SRRM4: variants seen among roughly 807,000 people sequenced by gnomAD.
SRRM4 encodes the protein serine/arginine repetitive matrix 4, also known as serine/arginine repetitive matrix protein 4.
A neutral mutation model predicts 68.9 loss-of-function variants in SRRM4; 33 were observed. The ratio of observed to expected loss-of-function variants is 0.48; its 90% confidence interval spans 0.36 to 0.64. SRRM4 has a LOEUF of 0.64. Ranked by LOEUF, SRRM4 falls within the 30% of genes least tolerant of loss-of-function variation. The pLI is 0.00. For missense variants in SRRM4, 817 were observed against 827.1 expected, an observed-to-expected ratio of 0.99 and a Z score of 0.15; for synonymous variants, 318 against 318.8, an observed-to-expected ratio of 1.00 and a Z score of 0.03.
In SRRM4 at chr12:119,033,976, A is replaced by C. The variant is rs572762990; in HGVS notation, c.131+51963A>C. On this transcript the variant is annotated intron_variant, in intron 1 of 12. Coordinates refer to ENST00000267260, the MANE Select transcript of SRRM4 (RefSeq NM_194286.4). ...TGGTGTTTTTGCTTAAGTATTCTGG[A>C]AACAACTCTAACATTAGTTTGTTTC... Among the ~76,000 whole-genome samples the C allele has an allele frequency of 4.6e-5, 7 of 152,312 alleles. No individual in the cohort carries two copies. The South Asian group carries it at 1.5e-3, about 32-fold the overall frequency.
intron 1 of SRRM4, among the ~76,000 whole-genome samples, chr12:119,023,071 C>T (rs1194248047): frequency 6.6e-6 from 1 of 152,220 alleles, no homozygotes; most frequent in Non-Finnish European, 1.5e-5. Context: ...GAAGAATGTA[C>T]TTTCCATGGT....
chr12:118,995,654 G>T (rs568802943), intron 1 of SRRM4, among the ~76,000 whole-genome samples: 4 of 152,304 alleles, frequency 2.6e-5, no homozygotes, highest in Admixed American at 6.5e-5. Flanking sequence ...TTTCTTGAGT[G>T]AGAAATTTGG....
chr12:118,989,368 A>T (rs1953301828), intron 1 of SRRM4, among the ~76,000 whole-genome samples: 1 of 152,216 alleles, frequency 6.6e-6, no homozygotes, highest in Non-Finnish European at 1.5e-5. Flanking sequence ...ACTTCCAAAT[A>T]GCAGTGATAG....
chr12:119,150,340 C>T (rs966803892), intron 9 of SRRM4, among the ~76,000 whole-genome samples: 8 of 152,016 alleles, frequency 5.3e-5, no homozygotes, highest in African/African-American at 1.4e-4. Context: ...GGTGTGGTGG[C>T]ATGCACCTGT....
At chr12:119,054,617 A>G (rs1036029360) in intron 1 of SRRM4, among the ~76,000 whole-genome samples, 78 of 143,268 alleles carry the variant, frequency 5.4e-4, no homozygotes, top group African/African-American at 2.0e-3. Flanking sequence ...TTTATATACA[A>G]GAGATATAAG....
At chr12:119,079,643 T>C (rs1953936284) in intron 1 of SRRM4, among the ~76,000 whole-genome samples, 1 of 152,160 alleles carries the variant, frequency 6.6e-6, no homozygotes, top group South Asian at 2.1e-4. Context: ...GCACACTTTG[T>C]CGGGAGAGTT....
At chr12:119,064,677 G>T (rs1953834610) in intron 1 of SRRM4, among the ~76,000 whole-genome samples, 1 of 152,158 alleles carries the variant, frequency 6.6e-6, no homozygotes, top group African/African-American at 2.4e-5. Flanking sequence ...AAGCTTAGGG[G>T]TTTGTCGGGA....
chr12:119,129,822 T>C (rs1436652520), intron 7 of SRRM4, among the ~76,000 whole-genome samples: 1 of 152,212 alleles, frequency 6.6e-6, no homozygotes, highest in African/African-American at 2.4e-5. Flanking sequence ...GATGGATGGA[T>C]GAATGGCTGA....
chr12:119,089,366 A>C lies in SRRM4; in HGVS notation c.132-12870A>C, dbSNP rs558238758. Among the ~76,000 whole-genome samples the C allele has an allele frequency of 4.6e-5, 7 of 152,350 alleles. No individual in the cohort carries two copies. In the South Asian group the frequency reaches 1.4e-3, roughly 32 times the overall value. On this transcript the variant is annotated intron_variant, in intron 1 of 12. Transcript: ENST00000267260. Reference sequence around the variant, plus strand: ...AATGGGTTTGACTTTTAAAAGGCAGATAAAAGTCCCAACGGAAGGACAGAC... The same window carrying C: ...AATGGGTTTGACTTTTAAAAGGCAGCTAAAAGTCCCAACGGAAGGACAGAC...
chr12:119,122,229 A>T (rs1954224375), intron 6 of SRRM4, 109 bp downstream of exon 6: 6 of 594,754 alleles, frequency 1.0e-5, no homozygotes, highest in Non-Finnish European at 1.8e-5. Context: ...AAGGGAGGAG[A>T]AGGTGAGCGG....
rs2136074103 is a variant in SRRM4, at chr12:119,162,380, T to A, written c.*5582T>A. 6.6e-6 allele frequency: 1 copy of A among 152,308 alleles called. No individual in the cohort carries two copies. Among genetic ancestry groups the A allele is most frequent in the South Asian group, 2.1e-4 (1 of 4,824 alleles). The allele number at this position is 152,308 out of a possible 1,614,324, so 9.4% of individuals were successfully genotyped here. A position where few individuals can be genotyped will look rare whatever the true frequency, so the allele number is the denominator to read the frequency against. On this transcript the variant is annotated 3_prime_UTR_variant, in exon 13 of 13. Transcript: ENST00000267260. ...CTCTAAGCCCCGTGGTCCAAAGTCA[T>A]CACGGGAGAGACCAAGATGGGCTTA...
rs201458918 is a variant in SRRM4 at position 119,110,294 on chromosome 12, G to C, written c.279-3984G>C. Among the ~76,000 whole-genome samples, 22 of 152,342 alleles carry C rather than the reference G, an allele frequency of 1.4e-4. No homozygotes were observed. In the East Asian group the frequency reaches 3.7e-3, roughly 25 times the overall value. On this transcript the variant is annotated intron_variant, in intron 2 of 12. Transcript: ENST00000267260. ...GGTCAGGGACGCACTTGAGGAGGCAGTCTGTCCGTTTGCAGATCTCAAACT... is the reference window on the plus strand; with the variant it reads ...GGTCAGGGACGCACTTGAGGAGGCACTCTGTCCGTTTGCAGATCTCAAACT...
chr12:118,998,560 C>T (rs1163611176), intron 1 of SRRM4, among the ~76,000 whole-genome samples: 6 of 152,176 alleles, frequency 3.9e-5, no homozygotes, highest in African/African-American at 7.2e-5. Flanking sequence ...CTGTTGGTGC[C>T]GTGCTCATCA....
At position 119,114,361 on chromosome 12, in the gene SRRM4, G is replaced by C; in HGVS notation, c.362G>C (p.Arg121Thr). Reference sequence around the variant, plus strand: ...AAGAAATCCACTCGGAAGAAGAGAAGGAGGTAAGAGCACCAAGAGGGAGAT... The same window carrying C: ...AAGAAATCCACTCGGAAGAAGAGAACGAGGTAAGAGCACCAAGAGGGAGAT... ...KKKKSTRKKRRRSSSYSPSPV... is the reference protein window; with the variant it reads ...KKKKSTRKKRTRSSSYSPSPV... The change falls in exon 3 of 13, where the codon AGG becomes ACG. Residue 121 changes from arginine (R) to threonine (T), a missense_variant. Physicochemically the swap from Arg to Thr is moderately conservative, Grantham distance 71. Transcript: ENST00000267260. 1 of 1,604,610 alleles carries C rather than the reference G, an allele frequency of 6.2e-7. No homozygotes were observed. Among genetic ancestry groups the C allele is most frequent in the Non-Finnish European group, 8.5e-7 (1 of 1,175,244 alleles).
intron 2 of SRRM4, among the ~76,000 whole-genome samples, chr12:119,109,197 A>T (rs1017974666): frequency 6.6e-6 from 1 of 152,128 alleles, no homozygotes; most frequent in Non-Finnish European, 1.5e-5. Flanking sequence ...ATCAGCTGTT[A>T]GTCTGATGGG....
At chr12:119,051,051 G>C (rs578113482) in intron 1 of SRRM4, among the ~76,000 whole-genome samples, 1 of 152,216 alleles carries the variant, frequency 6.6e-6, no homozygotes, top group Admixed American at 6.5e-5. Flanking sequence ...TCCTCCAAGA[G>C]AATTTGGTAG....
At chr12:119,000,173 T>G (rs1170507366) in intron 1 of SRRM4, among the ~76,000 whole-genome samples, 3 of 152,154 alleles carry the variant, frequency 2.0e-5, no homozygotes, top group Admixed American at 1.3e-4. Flanking sequence ...GGGAAATAAC[T>G]TTTTCCCAAG....
At chr12:119,120,344 AG>A in intron 5 of SRRM4, 68 bp downstream of exon 5, 14 of 1,523,708 alleles carry the variant, frequency 9.2e-6, no homozygotes, top group Non-Finnish European at 1.2e-5. Context: ...GGCAGCTTCT[AG>A]GTCAGCCCTC....
intron 1 of SRRM4, among the ~76,000 whole-genome samples, chr12:119,036,112 T>A (rs1290174969): frequency 6.6e-6 from 1 of 152,214 alleles, no homozygotes; most frequent in Non-Finnish European, 1.5e-5. Context: ...TTTGCCTGCA[T>A]GGAAAAATTT....
Sources: gnomAD v4.1 joint callset for allele counts (sites outside exome capture counted in the v4.1 genomes callset) on GRCh38, gnomAD v4.1.1 for gene constraint, MANE v1.5 for transcripts, NCBI Gene and HGNC (gene_info 2026-07-23, HGNC 2026-07-21) for gene names.